The following MARCHF11 variants were observed in gnomAD, a reference collection of about 807,000 sequenced individuals.
MARCHF11 encodes E3 ubiquitin-protein ligase MARCHF11.
In MARCHF11, 29 loss-of-function variants were observed where a neutral mutation model predicts 37.3. The observed-to-expected ratio is 0.78, with a 90% CI of 0.58 to 1.06. The LOEUF (loss-of-function observed/expected upper bound fraction) is 1.06. Among genes scored for constraint, MARCHF11 ranks in the 50% least tolerant of loss-of-function variants. The pLI is 0.00. For missense variants in MARCHF11, 482 were observed against 533.4 expected (o/e 0.90, Z 0.95); for synonymous variants, 233 against 228.0 (o/e 1.02, Z -0.20).
chr5:16,173,131 G>A (rs1318965739), intron 2 of MARCHF11, among the ~76,000 whole-genome samples: 2 of 152,214 alleles, frequency 1.3e-5, no homozygotes, highest in African/African-American at 4.8e-5. Context: ...AAAGGTCTAT[G>A]GACCACATGC....
chr5:16,122,479 T>C (rs11133830), intron 2 of MARCHF11, among the ~76,000 whole-genome samples: 35,529 of 152,164 alleles, frequency 0.23, 4,295 homozygotes, highest in South Asian at 0.31. Flanking sequence ...GTAATACTTA[T>C]ATTTTTAGGA....
At chr5:16,096,241 A>G (rs759737659) in intron 2 of MARCHF11, among the ~76,000 whole-genome samples, 8 of 152,228 alleles carry the variant, frequency 5.3e-5, no homozygotes, top group Non-Finnish European at 1.2e-4. Context: ...GCAGTCCAAC[A>G]AAGTTCCAAA....
intron 2 of MARCHF11, among the ~76,000 whole-genome samples, chr5:16,113,412 C>T (rs557533332): frequency 8.5e-5 from 13 of 152,272 alleles, no homozygotes; most frequent in African/African-American, 2.6e-4. Context: ...CGGCAGAATA[C>T]TCCTGAACAT....
intron 2 of MARCHF11, among the ~76,000 whole-genome samples, chr5:16,121,406 C>T (rs1047635535): frequency 9.2e-5 from 14 of 152,182 alleles, no homozygotes; most frequent in African/African-American, 2.9e-4. Context: ...CAGTAACTAA[C>T]ACAGTGGTTG....
chr5:16,179,223 C>T lies in MARCHF11; in HGVS notation c.353G>A (p.Gly118Asp). The T allele has an allele frequency of 7.4e-7, 1 of 1,349,786 alleles. No individual in the cohort carries two copies. The highest frequency in any genetic ancestry group is 9.5e-7 in the Non-Finnish European group (1 of 1,052,550). The allele number at this position is 1,349,786 out of a possible 1,614,324, so 83.6% of individuals were successfully genotyped here. A position where few individuals can be genotyped will look rare whatever the true frequency, so the allele number is the denominator to read the frequency against. The change falls in exon 1 of 4, where the codon GGC (glycine) becomes GAC (aspartate). Residue 118 changes from glycine to aspartate, a missense_variant. By Grantham distance (94) the Gly-to-Asp change is moderately conservative. Transcript: ENST00000332432. Reference sequence around the variant, plus strand: ...CGCGCCGGCCTCAGACTCCCCGGGGCCGCCTTTCGCTGCTGCCGCCTCCGG... The same window carrying T: ...CGCGCCGGCCTCAGACTCCCCGGGGTCGCCTTTCGCTGCTGCCGCCTCCGG... ...RLPEAAAAKGGPGESEAGAGG... is the reference protein window; with the variant it reads ...RLPEAAAAKGDPGESEAGAGG...
intron 2 of MARCHF11, among the ~76,000 whole-genome samples, chr5:16,165,543 C>T (rs1738154206): frequency 6.6e-6 from 1 of 151,992 alleles, no homozygotes; most frequent in African/African-American, 2.4e-5. Flanking sequence ...CTAAGACTTA[C>T]CCTGTTTATT....
intron 1 of MARCHF11, among the ~76,000 whole-genome samples, chr5:16,178,757 A>T (rs1738407369): frequency 6.6e-6 from 1 of 152,240 alleles, no homozygotes; most frequent in Admixed American, 6.5e-5. Flanking sequence ...CGCTTTTGGC[A>T]TTATCACTAA....
chr5:16,112,241 C>G (rs1005462962), intron 2 of MARCHF11, among the ~76,000 whole-genome samples: 1 of 152,196 alleles, frequency 6.6e-6, no homozygotes, highest in Non-Finnish European at 1.5e-5. Flanking sequence ...ACAGCTTGCA[C>G]TGTGTACCTG....
chr5:16,146,534 G>A (rs1300486137), intron 2 of MARCHF11, among the ~76,000 whole-genome samples: 3 of 152,138 alleles, frequency 2.0e-5, no homozygotes, highest in African/African-American at 7.2e-5. Context: ...TCAGGGACCA[G>A]GACTCTACGG....
intron 2 of MARCHF11, among the ~76,000 whole-genome samples, chr5:16,107,487 G>A (rs1737063622): frequency 6.6e-6 from 1 of 152,074 alleles, no homozygotes; most frequent in Non-Finnish European, 1.5e-5. Context: ...GTAAATTAAG[G>A]TGGCTTGTAT....
chr5:16,068,309 C>T (rs536870542), intron 3 of MARCHF11, among the ~76,000 whole-genome samples: 2 of 152,270 alleles, frequency 1.3e-5, no homozygotes, highest in South Asian at 4.1e-4. Flanking sequence ...TTTGTACTCT[C>T]CTCAACAATT....
intron 2 of MARCHF11, among the ~76,000 whole-genome samples, chr5:16,114,468 T>C (rs900663072): frequency 1.3e-5 from 2 of 152,172 alleles, no homozygotes; most frequent in African/African-American, 4.8e-5. Context: ...TGTTTGCAGG[T>C]AAATTGCCAA....
At chr5:16,171,972 C>T (rs1458810426) in intron 2 of MARCHF11, among the ~76,000 whole-genome samples, 1 of 152,056 alleles carries the variant, frequency 6.6e-6, no homozygotes, top group Non-Finnish European at 1.5e-5. Flanking sequence ...GTAGAAAAGT[C>T]GAAGGTATGT....
intron 2 of MARCHF11, among the ~76,000 whole-genome samples, chr5:16,128,552 G>A (rs190733926): frequency 1.0e-3 from 156 of 152,242 alleles, no homozygotes; most frequent in African/African-American, 3.3e-3. Context: ...AAAGAAGGAC[G>A]GGCAAGAACC....
intron 2 of MARCHF11, among the ~76,000 whole-genome samples, chr5:16,172,967 G>A (rs978377403): frequency 6.6e-6 from 1 of 152,148 alleles, no homozygotes. Flanking sequence ...ATAATCTCAA[G>A]TCCTTCTTGC....
intron 2 of MARCHF11, among the ~76,000 whole-genome samples, chr5:16,159,127 A>C (rs1285741899): frequency 6.6e-6 from 1 of 151,960 alleles, no homozygotes; most frequent in Non-Finnish European, 1.5e-5. Context: ...TTTAAAAAAA[A>C]CCATATTGAC....
chr5:16,141,121 GACCAACAGAGGAGCAAACCTCTAA>G (rs1737695393), intron 2 of MARCHF11: 1 of 152,358 alleles, frequency 6.6e-6, no homozygotes, highest in South Asian at 2.1e-4. Context: ...CTAGTCATCA[GACCAACAGAGGAGCAAACCTCTAA>G]CAGCATCTCC....
chr5:16,148,245 G>T (rs924033527), intron 2 of MARCHF11, among the ~76,000 whole-genome samples: 1 of 151,978 alleles, frequency 6.6e-6, no homozygotes, highest in African/African-American at 2.4e-5. Flanking sequence ...CAGCTGGTAG[G>T]ATTAAATTTA....
intron 2 of MARCHF11, among the ~76,000 whole-genome samples, chr5:16,109,269 T>C (rs1327440050): frequency 1.3e-5 from 2 of 152,138 alleles, no homozygotes; most frequent in Non-Finnish European, 2.9e-5. Flanking sequence ...TGGGGGTTGG[T>C]TGCCTGGGGA....
Sources: allele counts gnomAD v4.1 joint callset (sites outside exome capture counted in the v4.1 genomes callset), GRCh38; gene constraint gnomAD v4.1.1; transcripts MANE v1.5; gene names NCBI Gene and HGNC (gene_info 2026-07-23, HGNC 2026-07-21).